PDZRN4: variants seen among roughly 807,000 people sequenced by gnomAD.
PDZRN4 encodes PDZ domain containing ring finger 4, also known as PDZ domain-containing RING finger protein 4.
A neutral mutation model predicts 99.0 loss-of-function variants in PDZRN4; 70 were observed. That is an observed-to-expected ratio of 0.71 (90% CI 0.58 to 0.86). The LOEUF (loss-of-function observed/expected upper bound fraction) is 0.86. Ranked by LOEUF, PDZRN4 falls within the 40% of genes least tolerant of loss-of-function variation. The pLI, the probability that PDZRN4 is intolerant of heterozygous loss-of-function variation, is 0.00. For missense variants in PDZRN4, 1,474 were observed against 1,331.2 expected, an observed-to-expected ratio of 1.11 and a Z score of -1.67; for synonymous variants, 551 against 501.6, an observed-to-expected ratio of 1.10 and a Z score of -1.32.
At chr12:41,442,673 A>C (rs2120472954) in intron 3 of PDZRN4, among the ~76,000 whole-genome samples, 1 of 152,278 alleles carries the variant, frequency 6.6e-6, no homozygotes, top group East Asian at 1.9e-4. Context: ...TTGTGCATAA[A>C]GTTGAGGGTT....
At position 41,463,029 on chromosome 12, in the gene PDZRN4, A is replaced by G. The variant is rs566928771; in HGVS notation, c.844-43427A>G. 3.9e-5 allele frequency among the ~76,000 whole-genome samples: 6 copies of G among 152,310 alleles called. No individual in the cohort carries two copies. In the South Asian group the frequency reaches 1.0e-3, roughly 26 times the overall value. ...CAGCCTTGTCACCCTGATGCCAGAT[A>G]TGTATTCTTAAAGAATATCAAACTA... On this transcript the variant is annotated intron_variant, in intron 3 of 9. Coordinates refer to ENST00000402685, the MANE Select transcript of PDZRN4 (RefSeq NM_001164595.2).
At chr12:41,334,534 A>T (rs970379761) in intron 3 of PDZRN4, among the ~76,000 whole-genome samples, 1 of 152,142 alleles carries the variant, frequency 6.6e-6, no homozygotes, top group Admixed American at 6.6e-5. Flanking sequence ...TTCCTGCCAG[A>T]CATGATGGCT....
At chr12:41,272,849 A>G (rs1414787051) in intron 3 of PDZRN4, among the ~76,000 whole-genome samples, 7 of 152,058 alleles carry the variant, frequency 4.6e-5, no homozygotes, top group African/African-American at 1.7e-4. Context: ...TAGAGTGACC[A>G]TGGGATGAGT....
rs574578773 is a variant in PDZRN4, at chr12:41,483,216, T to G, written c.844-23240T>G. Among the ~76,000 whole-genome samples, 45 of 152,238 alleles carry G rather than the reference T, an allele frequency of 3.0e-4. No individual in the cohort carries two copies. The South Asian group carries it at 7.9e-3, about 27-fold the overall frequency. On this transcript the variant is annotated intron_variant, in intron 3 of 9. Coordinates refer to ENST00000402685, the MANE Select transcript of PDZRN4 (RefSeq NM_001164595.2). ...CTCCACAACCAAAGTTGATTATTTC[T>G]TCTTCATTTTTCAATTTCCTTTTTT...
chr12:41,253,650 A>T (rs1055365251), intron 3 of PDZRN4, among the ~76,000 whole-genome samples: 1 of 152,196 alleles, frequency 6.6e-6, no homozygotes, highest in Non-Finnish European at 1.5e-5. Flanking sequence ...CATATGGCCA[A>T]AAAGATGAAA....
intron 3 of PDZRN4, among the ~76,000 whole-genome samples, chr12:41,407,712 G>GAA (rs5797731): frequency 7.2e-6 from 1 of 138,134 alleles, no homozygotes; most frequent in Non-Finnish European, 1.6e-5. Context: ...GTACAAAAGA[G>GAA]AAAAAAAAAA....
At chr12:41,340,193 T>C (rs1356369030) in intron 3 of PDZRN4, among the ~76,000 whole-genome samples, 2 of 152,010 alleles carry the variant, frequency 1.3e-5, no homozygotes, top group South Asian at 2.1e-4. Flanking sequence ...CATCAACAGA[T>C]GAATGGATAA....
chr12:41,191,409 T>C (rs1950734335), intron 1 of PDZRN4, 49 bp from the exon 2 acceptor site: 1 of 904,854 alleles, frequency 1.1e-6, no homozygotes. Context: ...GGATTTATTT[T>C]TCTTTTATAT....
At chr12:41,210,462 T>A (rs940686666) in intron 3 of PDZRN4, among the ~76,000 whole-genome samples, 5 of 152,032 alleles carry the variant, frequency 3.3e-5, no homozygotes, top group Non-Finnish European at 7.4e-5. Flanking sequence ...TGATATCTTT[T>A]GGAAGGGAAG....
chr12:41,472,003 CTT>C (rs71081744), intron 3 of PDZRN4, among the ~76,000 whole-genome samples: 28 of 140,150 alleles, frequency 2.0e-4, no homozygotes, highest in Admixed American at 2.9e-4. Context: ...TTCTATATTA[CTT>C]TTTTTTTTTT....
At chr12:41,442,484 T>G (rs1426265902) in intron 3 of PDZRN4, among the ~76,000 whole-genome samples, 1 of 152,108 alleles carries the variant, frequency 6.6e-6, no homozygotes, top group African/African-American at 2.4e-5. Context: ...AGGTGCTTGT[T>G]TGTCCTTTCA....
chr12:41,303,266 A>G (rs557624490), intron 3 of PDZRN4, among the ~76,000 whole-genome samples: 1 of 152,276 alleles, frequency 6.6e-6, no homozygotes, highest in South Asian at 2.1e-4. Flanking sequence ...GCAAAATATG[A>G]TGTGGCATAA....
At chr12:41,497,532 C>T (rs1451495975) in intron 3 of PDZRN4, among the ~76,000 whole-genome samples, 1 of 152,066 alleles carries the variant, frequency 6.6e-6, no homozygotes, top group Non-Finnish European at 1.5e-5. Flanking sequence ...TGTTAGCCAA[C>T]CATTTCATCA....
intron 3 of PDZRN4, among the ~76,000 whole-genome samples, chr12:41,370,394 A>G (rs1952032307): frequency 6.6e-6 from 1 of 151,992 alleles, no homozygotes; most frequent in African/African-American, 2.4e-5. Flanking sequence ...TTGGTCCTTT[A>G]AAAATATTTA....
chr12:41,495,295 A>G lies in PDZRN4; in HGVS notation c.844-11161A>G, dbSNP rs139081780. Among the ~76,000 whole-genome samples the G allele has an allele frequency of 5.2e-4, 79 of 152,204 alleles. 1 individual carries two copies. The East Asian group carries it at 0.013, about 25-fold the overall frequency. On this transcript the variant is annotated intron_variant, in intron 3 of 9. Coordinates refer to ENST00000402685, the MANE Select transcript of PDZRN4 (RefSeq NM_001164595.2). Reference sequence around the variant, plus strand: ...TTGATTTCTAAAATAACCTCTGAAAATGTAAGTCTTCAAGGGATGGGCAAC... The same window carrying G: ...TTGATTTCTAAAATAACCTCTGAAAGTGTAAGTCTTCAAGGGATGGGCAAC...
At chr12:41,201,857 G>A (rs965762852) in intron 3 of PDZRN4, among the ~76,000 whole-genome samples, 1 of 152,072 alleles carries the variant, frequency 6.6e-6, no homozygotes, top group Non-Finnish European at 1.5e-5. Flanking sequence ...TATAAATCAA[G>A]AAAGAATCCA....
chr12:41,393,522 T>A (rs1952225234), intron 3 of PDZRN4, among the ~76,000 whole-genome samples: 1 of 151,816 alleles, frequency 6.6e-6, no homozygotes. Flanking sequence ...AAAAAAAATG[T>A]AGCTTTTCTT....
At chr12:41,343,685 T>C (rs1344940363) in intron 3 of PDZRN4, among the ~76,000 whole-genome samples, 1 of 151,342 alleles carries the variant, frequency 6.6e-6, no homozygotes, top group African/African-American at 2.4e-5. Context: ...AGGGCAACCA[T>C]TGTTATCAGT....
intron 3 of PDZRN4, among the ~76,000 whole-genome samples, chr12:41,476,151 G>A (rs185308931): frequency 6.1e-4 from 93 of 152,244 alleles, no homozygotes; most frequent in African/African-American, 2.1e-3. Flanking sequence ...ACATGATTAT[G>A]ATTTTGAAAA....
Sources: allele counts gnomAD v4.1 joint callset (sites outside exome capture counted in the v4.1 genomes callset), GRCh38; gene constraint gnomAD v4.1.1; transcripts MANE v1.5; gene names NCBI Gene and HGNC (gene_info 2026-07-23, HGNC 2026-07-21).